The following CD247 variants were observed in gnomAD, a reference collection of about 807,000 sequenced individuals.
CD247 encodes T-cell surface glycoprotein CD3 zeta chain.
Under a neutral mutation model 30.0 loss-of-function variants are expected in CD247, and 13 were observed. The observed-to-expected ratio is 0.43, with a 90% CI of 0.28 to 0.69. The LOEUF (loss-of-function observed/expected upper bound fraction) is 0.69. Among genes scored for constraint, CD247 ranks in the 30% least tolerant of loss-of-function variants. The probability of loss-of-function intolerance (pLI) is 0.16; values close to 1 mark genes in which losing one functional copy is unlikely to be tolerated. For missense variants in CD247, 193 were observed against 212.6 expected, an observed-to-expected ratio of 0.91 and a Z score of 0.57; for synonymous variants, 72 against 80.0, an observed-to-expected ratio of 0.90 and a Z score of 0.53.
intron 1 of CD247, chr1:167,448,256 A>G (rs1652185379): frequency 3.4e-6 from 2 of 580,406 alleles, no homozygotes; most frequent in Non-Finnish European, 4.3e-6. Context: ...CAGAGAAGTT[A>G]ATAACATGCC....
At chr1:167,509,811 G>A (rs536910603) in intron 1 of CD247, among the ~76,000 whole-genome samples, 1 of 152,186 alleles carries the variant, frequency 6.6e-6, no homozygotes, top group African/African-American at 2.4e-5. Context: ...GGTGAACAGG[G>A]TTTCCGCAGG....
At chr1:167,465,423 G>A (rs528054417) in intron 1 of CD247, among the ~76,000 whole-genome samples, 1 of 146,188 alleles carries the variant, frequency 6.8e-6, no homozygotes, top group African/African-American at 2.5e-5. Flanking sequence ...CCACCTCCCA[G>A]GTTCAAGCGA....
intron 4 of CD247, among the ~76,000 whole-genome samples, chr1:167,437,735 G>A (rs553028698): frequency 1.5e-4 from 23 of 152,182 alleles, no homozygotes; most frequent in Non-Finnish European, 2.6e-4. Flanking sequence ...ATGGGGAGAT[G>A]ATAGTCACAG....
chr1:167,438,752 A>T, intron 3 of CD247, 102 bp from the exon 4 acceptor site: 1 of 899,568 alleles, frequency 1.1e-6, no homozygotes, highest in Non-Finnish European at 1.9e-6. Flanking sequence ...GGTGGCTCAT[A>T]AAAAGAGGGG....
intron 1 of CD247, among the ~76,000 whole-genome samples, chr1:167,501,451 T>C (rs148190471): frequency 1.9e-3 from 293 of 152,330 alleles, no homozygotes; most frequent in Middle Eastern, 0.014. Context: ...GTCTGGCCTA[T>C]ACATCTGTTT....
chr1:167,514,865 C>T (rs1044615995), intron 1 of CD247, among the ~76,000 whole-genome samples: 1 of 152,102 alleles, frequency 6.6e-6, no homozygotes, highest in African/African-American at 2.4e-5. Context: ...CTGGACCCTT[C>T]TAAGTAAAGC....
chr1:167,456,782 C>G (rs1571538632), intron 1 of CD247, among the ~76,000 whole-genome samples: 1 of 152,218 alleles, frequency 6.6e-6, no homozygotes, highest in East Asian at 1.9e-4. Flanking sequence ...ACACAGAACC[C>G]AACAGGGACT....
intron 1 of CD247, among the ~76,000 whole-genome samples, chr1:167,474,914 G>T (rs1249664053): frequency 2.0e-5 from 3 of 151,670 alleles, no homozygotes; most frequent in African/African-American, 7.3e-5. Context: ...CACCATGCCC[G>T]GGTAATTTTT....
chr1:167,490,932 C>G (rs951573781), intron 1 of CD247, among the ~76,000 whole-genome samples: 3 of 151,640 alleles, frequency 2.0e-5, no homozygotes, highest in Non-Finnish European at 2.9e-5. Context: ...GAGCAAGACT[C>G]TGTCTCAAAA....
At position 167,518,519 on chromosome 1, in the gene CD247, C is replaced by T; in HGVS notation, c.-54G>A. 6.6e-7 allele frequency: 1 copy of T among 1,515,492 alleles called. No individual in the cohort carries two copies. Among genetic ancestry groups the T allele is most frequent in the Non-Finnish European group, 9.2e-7 (1 of 1,092,472 alleles). 93.9% of individuals were successfully genotyped at this position (1,515,492 alleles called of 1,614,324 possible). A position where few individuals can be genotyped will look rare whatever the true frequency, so the allele number is the denominator to read the frequency against. The stretch of plus-strand genomic sequence containing the variant: ...GAGGCAGAGGCTGAGGCAGCGGTGG[C>T]CGGGACGGTTAGGAGAAAAGGAGTC... On this transcript the variant is annotated 5_prime_UTR_variant, in exon 1 of 8. Coordinates refer to ENST00000362089, the MANE Select transcript of CD247 (RefSeq NM_198053.3).
At chr1:167,434,563 G>A (rs1347768948) in intron 5 of CD247, 5 of 357,432 alleles carry the variant, frequency 1.4e-5, no homozygotes, top group South Asian at 8.5e-5. Flanking sequence ...CGACAATCAG[G>A]GTTCAGGGTC....
rs1415171081 is a variant in CD247 at position 167,435,438 on chromosome 1, G to A, written c.301-4C>T. 2 of 1,611,362 alleles carry A rather than the reference G, an allele frequency of 1.2e-6. No homozygotes were observed. The highest frequency in any genetic ancestry group is 1.1e-5 in the South Asian group (1 of 91,018). On this transcript the variant is annotated splice_polypyrimidine_tract_variant and splice_region_variant and intron_variant, in intron 4 of 7. Transcript: ENST00000362089. ...CCTGAGGGTTCTTCCTTCTCTGCTA[G>A]GAAAGACAACGGGAAGACGTTAGAG...
chr1:167,459,084 G>A (rs983879746), intron 1 of CD247, among the ~76,000 whole-genome samples: 20 of 151,000 alleles, frequency 1.3e-4, no homozygotes, highest in African/African-American at 3.2e-4. Context: ...GCGGTGAGCC[G>A]AGATCAAGCC....
At chr1:167,461,113 G>A (rs1007191511) in intron 1 of CD247, among the ~76,000 whole-genome samples, 1 of 152,238 alleles carries the variant, frequency 6.6e-6, no homozygotes, top group Non-Finnish European at 1.5e-5. Context: ...GGGCGATCGT[G>A]GGCTGAGAGG....
intron 1 of CD247, among the ~76,000 whole-genome samples, chr1:167,475,560 T>C (rs1653710347): frequency 6.6e-6 from 1 of 152,082 alleles, no homozygotes; most frequent in African/African-American, 2.4e-5. Context: ...GCTTTTGGTG[T>C]CACCAAAAGA....
At chr1:167,455,398 C>A (rs1159667992) in intron 1 of CD247, among the ~76,000 whole-genome samples, 3 of 152,196 alleles carry the variant, frequency 2.0e-5, no homozygotes, top group African/African-American at 7.2e-5. Context: ...GTCCCAAAGT[C>A]ACAAACCACA....
rs704852 is a variant in CD247 at position 167,494,679 on chromosome 1, A to C, written c.58+23729T>G. Among the ~76,000 whole-genome samples the C allele has an allele frequency of 0.23, 34,760 of 152,124 alleles. 4,125 individuals are homozygous for C. The highest frequency in any genetic ancestry group is 0.28 in the Admixed American group (4,356 of 15,292). On this transcript the variant is annotated intron_variant, in intron 1 of 7. Coordinates refer to ENST00000362089, the MANE Select transcript of CD247 (RefSeq NM_198053.3). The surrounding 1 kb of genome is among the most constrained non-coding windows in gnomAD (Gnocchi z 7.3). ...CCCATGTCTCTGGATTGTTAAAAGG[A>C]TCAAAAAAGATCATGAGTAGTGCAT...
chr1:167,517,813 G>T (rs1655678281), intron 1 of CD247, among the ~76,000 whole-genome samples: 1 of 152,186 alleles, frequency 6.6e-6, no homozygotes, highest in Non-Finnish European at 1.5e-5. Flanking sequence ...TGGCCATGAG[G>T]TGGCGAAGGC....
At chr1:167,467,806 A>G (rs1653327056) in intron 1 of CD247, among the ~76,000 whole-genome samples, 1 of 152,190 alleles carries the variant, frequency 6.6e-6, no homozygotes, top group Non-Finnish European at 1.5e-5. Context: ...GGTCGGTTTA[A>G]TAACGGTATG....
Sources: allele counts gnomAD v4.1 joint callset (sites outside exome capture counted in the v4.1 genomes callset), GRCh38; gene constraint gnomAD v4.1.1; non-coding constraint Gnocchi (gnomAD v3.1); transcripts MANE v1.5; gene names NCBI Gene and HGNC (gene_info 2026-07-23, HGNC 2026-07-21).